The following NOD2 variants were observed in gnomAD, a reference collection of about 807,000 sequenced individuals.
NOD2 encodes the protein nucleotide binding oligomerization domain containing 2.
Under a neutral mutation model 90.9 loss-of-function variants are expected in NOD2, and 86 were observed. That is an observed-to-expected ratio of 0.95 (90% CI 0.79 to 1.13). The LOEUF is 1.13. Ranked by LOEUF, NOD2 falls within the 50% of genes most tolerant of loss-of-function variation. The probability of loss-of-function intolerance (pLI) is 0.00; values close to 1 mark genes in which losing one functional copy is unlikely to be tolerated. For synonymous variants in NOD2, 581 were observed against 554.6 expected (o/e 1.05, Z -0.67); for missense variants, 1,238 against 1,283.8 (o/e 0.96, Z 0.55).
At chr16:50,697,781 C>A in intron 1 of NOD2, 1 of 257,282 alleles carries the variant, frequency 3.9e-6, no homozygotes, top group Non-Finnish European at 7.8e-6. Context: ...ATCTGACCAG[C>A]ACAGGGCCCC....
In NOD2 at chr16:50,731,811, T is replaced by C. The variant is rs372787414; in HGVS notation, c.3034T>C (p.Leu1012=). 1.9e-6 allele frequency: 3 copies of C among 1,612,904 alleles called. No homozygotes were observed. Among genetic ancestry groups the C allele is most frequent in the Non-Finnish European group, 1.7e-6 (2 of 1,179,070 alleles). The change falls in exon 12 of 12, where the codon TTG becomes CTG. Residue 1012 remains leucine, a synonymous_variant. Coordinates refer to ENST00000647318, the MANE Select transcript of NOD2 (RefSeq NM_001370466.1). ...DKLGCRDTRL[L]L ...GCTCGGCTGCAGGGACACCAGACTC[T>C]TGCTTTGAAGTCTCCGGGAGGATGT...
At chr16:50,719,728 T>A in intron 6 of NOD2, 197 bp from the exon 7 acceptor site, 1 of 701,246 alleles carries the variant, frequency 1.4e-6, no homozygotes, top group Non-Finnish European at 2.6e-6. Context: ...GCTGCCCCTT[T>A]CCCTTTGCTG....
chr16:50,703,314 T>C (rs1964022316), intron 2 of NOD2, among the ~76,000 whole-genome samples: 1 of 152,108 alleles, frequency 6.6e-6, no homozygotes, highest in Non-Finnish European at 1.5e-5. Context: ...AAAAACTGAG[T>C]AGCAAGCCAA....
At position 50,708,579 on chromosome 16, in the gene NOD2, A is replaced by T. The variant is rs114870756; in HGVS notation, c.565+619A>T. Among the ~76,000 whole-genome samples, 737 of 152,364 alleles carry T rather than the reference A, an allele frequency of 4.8e-3. 6 individuals are homozygous for T. The highest frequency in any genetic ancestry group is 0.016 in the African/African-American group (675 of 41,588). ...GGAGGTTAAGTGACGAGGGAGGGGA[A>T]GATGGGTCTGATTGTAAATTGTCCC... On this transcript the variant is annotated intron_variant, in intron 3 of 11. Transcript: ENST00000647318.
chr16:50,711,971 G>A lies in NOD2; in HGVS notation c.1979G>A (p.Trp660Ter). ...FLAGLLSREH[W>*]GLLAECQTSE... ...GCAGGGCTGTTGTCCCGGGAGCACT[G>A]GGGCCTGCTGGCTGAGTGCCAGACA... Residue 660 changes from tryptophan to a stop codon, truncating the protein, a stop_gained, in exon 4 of 12, where the codon TGG becomes TAG. Coordinates refer to ENST00000647318, the MANE Select transcript of NOD2 (RefSeq NM_001370466.1). LOFTEE classifies it high-confidence loss of function. 1 of 1,613,320 alleles carries A rather than the reference G, an allele frequency of 6.2e-7. No individual in the cohort carries two copies. Among genetic ancestry groups the A allele is most frequent in the Non-Finnish European group, 8.5e-7 (1 of 1,179,818 alleles).
At chr16:50,705,015 A>T (rs771802918) in intron 2 of NOD2, among the ~76,000 whole-genome samples, 4 of 152,088 alleles carry the variant, frequency 2.6e-5, no homozygotes, top group Non-Finnish European at 5.9e-5. Context: ...TCTCCATTTT[A>T]TCTCTTCTCT....
At chr16:50,710,524 G>A in intron 3 of NOD2, 34 bp from the exon 4 acceptor site, 15 of 1,613,748 alleles carry the variant, frequency 9.3e-6, no homozygotes, top group Non-Finnish European at 1.3e-5. Context: ...TCACCATGGT[G>A]CCACCTTCAT....
chr16:50,710,507 C>T (rs377652294), intron 3 of NOD2, 51 bp from the exon 4 acceptor site: 9 of 1,612,740 alleles, frequency 5.6e-6, no homozygotes, highest in South Asian at 1.1e-5. Context: ...CTGGTTAGGT[C>T]CCGTCTTCAC....
At chr16:50,728,618 C>A (rs1247758676) in intron 10 of NOD2, among the ~76,000 whole-genome samples, 1 of 152,148 alleles carries the variant, frequency 6.6e-6, no homozygotes, top group African/African-American at 2.4e-5. Flanking sequence ...ACTTTTGCAC[C>A]AATCTAATAG....
Position 50,697,051 on chromosome 16 carries a change from T to C in NOD2, c.-8-2437T>C, listed in dbSNP as rs1963680040. The C allele has an allele frequency of 4.7e-6, 3 of 631,680 alleles. No individual in the cohort carries two copies. The South Asian group carries it at 5.4e-5, about 11-fold the overall frequency. The allele number at this position is 631,680 out of a possible 1,614,324, so 39.1% of individuals were successfully genotyped here. On this transcript the variant is annotated intron_variant, in intron 1 of 11. Transcript: ENST00000647318. ...GATGCACAAGGCTTTGTGCCAGAAT[T>C]GCTTGGAATTGCCTAGTTCTGGAAG... is the stretch of plus-strand genomic sequence containing the variant.
At chr16:50,724,645 G>A (rs1020091827) in intron 9 of NOD2, among the ~76,000 whole-genome samples, 2 of 152,186 alleles carry the variant, frequency 1.3e-5, no homozygotes, top group African/African-American at 4.8e-5. Context: ...CCTGGCTGCT[G>A]TGATTGGCTA....
rs762600414 is a variant in NOD2 at position 50,719,906 on chromosome 16, CCT to C, written c.2550-16_2550-15del. 609 of 1,611,956 alleles carry C rather than the reference CCT, an allele frequency of 3.8e-4. 1 individual carries two copies. Among genetic ancestry groups the C allele is most frequent in the Non-Finnish European group, 7.7e-5 (91 of 1,177,980 alleles). Reference sequence around the variant, plus strand: ...GCCTGCCGCTGTGTTCTCTCAGCCTCCTCTGTCTTCCCTTCCAGGCTGGGGAA... The same window carrying C: ...GCCTGCCGCTGTGTTCTCTCAGCCTCCTGTCTTCCCTTCCAGGCTGGGGAA... On this transcript the variant is annotated splice_polypyrimidine_tract_variant and intron_variant, in intron 6 of 11. Transcript: ENST00000647318.
At chr16:50,729,443 G>A (rs962761459) in intron 10 of NOD2, among the ~76,000 whole-genome samples, 5 of 152,122 alleles carry the variant, frequency 3.3e-5, no homozygotes, top group African/African-American at 1.2e-4. Context: ...TCGATGGCAC[G>A]GGTACTCTTT....
chr16:50,697,601 C>T (rs185988710), intron 1 of NOD2: 37 of 477,894 alleles, frequency 7.7e-5, no homozygotes, highest in Non-Finnish European at 1.2e-4. Flanking sequence ...CCCCTGTCCT[C>T]GGCCACCCCA....
chr16:50,720,964 C>T (rs558875268), intron 7 of NOD2, among the ~76,000 whole-genome samples: 19 of 152,204 alleles, frequency 1.2e-4, no homozygotes, highest in Admixed American at 3.9e-4. Context: ...ACCACCACGC[C>T]CAGCTAATTT....
chr16:50,727,524 G>A (rs867306758), intron 10 of NOD2: 3 of 241,846 alleles, frequency 1.2e-5, no homozygotes, highest in Admixed American at 4.7e-5. Context: ...TTCATGCTTC[G>A]GGATTCAACA....
chr16:50,710,812 G>A lies in NOD2; in HGVS notation c.820G>A (p.Ala274Thr), dbSNP rs1384936174. ...DADTVLVVGE[A>T]GSGKSTLLQR... The stretch of plus-strand genomic sequence containing the variant: ...GGACACTGTGCTGGTGGTGGGTGAG[G>A]CGGGCAGTGGCAAGAGCACGCTCCT... Residue 274 changes from alanine (A) to threonine (T), a missense_variant, in exon 4 of 12, where the codon GCG becomes ACG. Coordinates refer to ENST00000647318, the MANE Select transcript of NOD2 (RefSeq NM_001370466.1). 2 of 1,614,116 alleles carry A rather than the reference G, an allele frequency of 1.2e-6. No individual in the cohort carries two copies. The highest frequency in any genetic ancestry group is 1.7e-6 in the Non-Finnish European group (2 of 1,180,020).
chr16:50,726,209 C>T (rs969735598), intron 10 of NOD2, among the ~76,000 whole-genome samples: 8 of 150,472 alleles, frequency 5.3e-5, no homozygotes, highest in Non-Finnish European at 8.8e-5. Flanking sequence ...ACCTAGTGAC[C>T]ATCATGGGTT....
At chr16:50,726,332 T>C (rs1338107774) in intron 10 of NOD2, among the ~76,000 whole-genome samples, 1 of 152,300 alleles carries the variant, frequency 6.6e-6, no homozygotes. Context: ...TAGGCAAATG[T>C]GGTCCTAGGA....
Sources: gnomAD v4.1 joint callset for allele counts (sites outside exome capture counted in the v4.1 genomes callset) on GRCh38, gnomAD v4.1.1 for gene constraint, MANE v1.5 for transcripts, NCBI Gene and HGNC (gene_info 2026-07-23, HGNC 2026-07-21) for gene names.